Variants in ETV5 observed in about 807,000 individuals in gnomAD.
ETV5 encodes the protein ETS variant transcription factor 5.
A neutral mutation model predicts 70.0 loss-of-function variants in ETV5; 10 were observed. That is an observed-to-expected ratio of 0.14 (90% confidence interval 0.09 to 0.24). The LOEUF (loss-of-function observed/expected upper bound fraction) is 0.24. Among genes scored for constraint, ETV5 ranks in the 10% least tolerant of loss-of-function variants. ETV5 has a pLI of 1.00. For missense variants in ETV5, 453 were observed against 651.2 expected (o/e 0.70, Z 3.31); for synonymous variants, 216 against 242.2 (o/e 0.89, Z 1.01).
chr3:186,070,813 C>T (rs1311538703), intron 7 of ETV5, among the ~76,000 whole-genome samples: 1 of 152,170 alleles, frequency 6.6e-6, no homozygotes, highest in Non-Finnish European at 1.5e-5. Context: ...TCTAATTTAC[C>T]AAGGCAGGCA....
chr3:186,098,501 C>G (rs1017477456), intron 5 of ETV5, among the ~76,000 whole-genome samples: 3 of 152,102 alleles, frequency 2.0e-5, no homozygotes, highest in African/African-American at 7.2e-5. Flanking sequence ...TTCACAGTTC[C>G]TTTTTTGGCT....
In ETV5 at chr3:186,048,753, G is replaced by A. The variant is rs2150140039; in HGVS notation, c.1419C>T (p.Cys473=). 6.2e-7 allele frequency: 1 copy of A among 1,614,170 alleles called. No homozygotes were observed. The change falls in exon 13 of 13, where the codon TGC becomes TGT. Residue 473 remains cysteine (C), a synonymous_variant. Transcript: ENST00000306376. ...QRPFLKAESE[C]HLSEEDTLPL... ...GCAGGGTGTCCTCCTCGCTGAGGTG[G>A]CACTCGGACTCTGCCTTCAGGAACG...
At chr3:186,051,908 A>G in intron 12 of ETV5, 122 bp downstream of exon 12, 1 of 839,412 alleles carries the variant, frequency 1.2e-6, no homozygotes, top group South Asian at 1.5e-5. Context: ...GTTTCCTACC[A>G]CAGAATCACT....
At chr3:186,107,069 G>A in intron 1 of ETV5, 2 of 397,176 alleles carry the variant, frequency 5.0e-6, no homozygotes, top group South Asian at 1.0e-4. Flanking sequence ...CACACTGTGT[G>A]TAGCATATCA....
At chr3:186,108,112 G>A (rs1203771599) in intron 1 of ETV5, among the ~76,000 whole-genome samples, 4 of 151,200 alleles carry the variant, frequency 2.6e-5, no homozygotes, top group South Asian at 2.1e-4. Flanking sequence ...GCTACCAACC[G>A]CTTCCAATCC....
At chr3:186,103,012 A>AT (rs1466977875) in intron 5 of ETV5, among the ~76,000 whole-genome samples, 1 of 152,158 alleles carries the variant, frequency 6.6e-6, no homozygotes. Flanking sequence ...AAGTTATTCT[A>AT]TTTGAATCTA....
chr3:186,086,548 A>C (rs1714061796), intron 5 of ETV5, among the ~76,000 whole-genome samples: 1 of 152,240 alleles, frequency 6.6e-6, no homozygotes, highest in Non-Finnish European at 1.5e-5. Flanking sequence ...TATGAGGTCA[A>C]CATGTAAAAA....
chr3:186,100,247 T>C (rs1714420615), intron 5 of ETV5, among the ~76,000 whole-genome samples: 1 of 152,244 alleles, frequency 6.6e-6, no homozygotes, highest in African/African-American at 2.4e-5. Context: ...CCTTCAGAAC[T>C]ACTGATTCCT....
At chr3:186,083,631 A>T in intron 5 of ETV5, among the ~76,000 whole-genome samples, 1 of 152,234 alleles carries the variant, frequency 6.6e-6, no homozygotes, top group East Asian at 1.9e-4. Context: ...GCTCTAAATT[A>T]TATAGTACCT....
intron 5 of ETV5, among the ~76,000 whole-genome samples, chr3:186,096,129 C>T (rs980057104): frequency 6.6e-6 from 1 of 152,010 alleles, no homozygotes; most frequent in African/African-American, 2.4e-5. Flanking sequence ...CACCTTCTTC[C>T]GCAAGAAATA....
chr3:186,057,471 G>T lies in ETV5; in HGVS notation c.991C>A (p.Pro331Thr), dbSNP rs771465106. ...CAAGTGTCGTCAAAGTATAATCGGG[G>T]ATCTTTTTCATATGAAAAACCTGAA... The part of the protein sequence containing the change: ...SHEGFSYEKD[P>T]RLYFDDTCVV... Residue 331 changes from proline (P) to threonine (T), a missense_variant, in exon 10 of 13, where the codon CCC becomes ACC. By Grantham distance (38) the Pro-to-Thr change is conservative (BLOSUM62 -1). Around this residue, in one of 4 missense-constraint regions of ETV5, gnomAD observed 307 missense variants for 344.9 expected, o/e 0.89. Coordinates refer to ENST00000306376, the MANE Select transcript of ETV5 (RefSeq NM_004454.3). The surrounding 1 kb of genome is among the most constrained non-coding windows in gnomAD (Gnocchi z 4.9). 3.1e-6 allele frequency: 5 copies of T among 1,613,958 alleles called. 1 individual carries two copies. In the South Asian group the frequency reaches 3.3e-5, roughly 11 times the overall value.
intron 5 of ETV5, among the ~76,000 whole-genome samples, chr3:186,089,199 A>C (rs1714125031): frequency 6.6e-6 from 1 of 152,224 alleles, no homozygotes; most frequent in Non-Finnish European, 1.5e-5. Flanking sequence ...TTCCAAACCA[A>C]ATAAGAGGCA....
rs1279471897 is a variant in ETV5 at position 186,054,131 on chromosome 3, A to AT, written c.1210-2001dup. On this transcript the variant is annotated intron_variant, in intron 11 of 12. Transcript: ENST00000306376. The surrounding 1 kb of genome is among the most constrained non-coding windows in gnomAD (Gnocchi z 4.4). ...CATCCTCCCGGGCCAGAGCCCTGTG[A>AT]TTCTGTAGCCCTCACCACGGCTGTT... Among the ~76,000 whole-genome samples the AT allele has an allele frequency of 6.6e-6, 1 of 152,248 alleles. No homozygotes were observed. Among genetic ancestry groups the AT allele is most frequent in the Non-Finnish European group, 1.5e-5 (1 of 68,050 alleles).
chr3:186,071,405 T>G (rs182857216), intron 7 of ETV5, among the ~76,000 whole-genome samples: 3 of 152,314 alleles, frequency 2.0e-5, no homozygotes, highest in African/African-American at 7.2e-5. Context: ...GCTGTGGCTG[T>G]GAAGTCAGAA....
chr3:186,082,564 G>A (rs1207694331), intron 5 of ETV5, among the ~76,000 whole-genome samples: 1 of 151,940 alleles, frequency 6.6e-6, no homozygotes, highest in Non-Finnish European at 1.5e-5. Flanking sequence ...GGGATTACAG[G>A]TGCCCGCCAC....
Position 186,046,414 on chromosome 3 carries a change from A to C in ETV5, c.*2225T>G, listed in dbSNP as rs772516588. The C allele has an allele frequency of 6.5e-5, 15 of 230,010 alleles. No homozygotes were observed. The highest frequency in any genetic ancestry group is 2.6e-5 in the Non-Finnish European group (3 of 115,812). 14.2% of individuals were successfully genotyped at this position (230,010 alleles called of 1,614,324 possible). A position where few individuals can be genotyped will look rare whatever the true frequency, so the allele number is the denominator to read the frequency against. On this transcript the variant is annotated 3_prime_UTR_variant, in exon 13 of 13. Coordinates refer to ENST00000306376, the MANE Select transcript of ETV5 (RefSeq NM_004454.3). ...GCCCTGCGCAGGGGAAAGTATTTCA[A>C]ATCAGCTGGCAGGTTCAAGCCTTTC...
Position 186,048,316 on chromosome 3 carries a change from G to A in ETV5, c.*323C>T, listed in dbSNP as rs540733328. 39 of 387,484 alleles carry A rather than the reference G, an allele frequency of 1.0e-4. No individual in the cohort carries two copies. The highest frequency in any genetic ancestry group is 1.8e-4 in the Non-Finnish European group (37 of 210,590). The allele number at this position is 387,484 out of a possible 1,614,324, so 24.0% of individuals were successfully genotyped here. ...ATTGTCACATACTATGTCCCGTTTT[G>A]CGGGTACTAACCTGAACAAGATATT... On this transcript the variant is annotated 3_prime_UTR_variant, in exon 13 of 13. Transcript: ENST00000306376.
chr3:186,067,874 C>T (rs1050130401), intron 7 of ETV5, among the ~76,000 whole-genome samples: 1 of 152,098 alleles, frequency 6.6e-6, no homozygotes, highest in Non-Finnish European at 1.5e-5. Context: ...GGAAAAATCT[C>T]CACAGATACA....
intron 9 of ETV5, among the ~76,000 whole-genome samples, chr3:186,058,518 T>C (rs1713222077): frequency 6.6e-6 from 1 of 152,104 alleles, no homozygotes; most frequent in African/African-American, 2.4e-5. Flanking sequence ...GATAATGCAG[T>C]GGGGGCAGGC....
Sources: allele counts gnomAD v4.1 joint callset (sites outside exome capture counted in the v4.1 genomes callset), GRCh38; gene constraint gnomAD v4.1.1; regional missense constraint gnomAD v4.1.1; non-coding constraint Gnocchi (gnomAD v3.1); transcripts MANE v1.5; gene names NCBI Gene and HGNC (gene_info 2026-07-23, HGNC 2026-07-21).